PHKB: variants seen among roughly 807,000 people sequenced by gnomAD.
PHKB encodes phosphorylase kinase regulatory subunit beta.
Under a neutral mutation model 152.1 loss-of-function variants are expected in PHKB, and 122 were observed. That is an observed-to-expected ratio of 0.80 (90% CI 0.69 to 0.93). PHKB has a LOEUF of 0.93. PHKB is among the 40% of genes least tolerant of loss of function. The pLI, the probability that PHKB is intolerant of heterozygous loss-of-function variation, is 0.00. For missense variants in PHKB, 1,304 were observed against 1,328.4 expected, an observed-to-expected ratio of 0.98 and a Z score of 0.29; for synonymous variants, 436 against 464.9, an observed-to-expected ratio of 0.94 and a Z score of 0.80.
chr16:47,510,082 A>G (rs1970484346), intron 4 of PHKB, among the ~76,000 whole-genome samples: 1 of 152,158 alleles, frequency 6.6e-6, no homozygotes, highest in African/African-American at 2.4e-5. Context: ...CAAACACCAG[A>G]TGAAGTGGTA....
At chr16:47,666,723 C>T (rs1023316686) in intron 25 of PHKB, among the ~76,000 whole-genome samples, 2 of 152,244 alleles carry the variant, frequency 1.3e-5, no homozygotes, top group African/African-American at 2.4e-5. Context: ...CCAATGTGCC[C>T]AGCATGGGGC....
At chr16:47,577,816 G>A (rs898829368) in intron 7 of PHKB, among the ~76,000 whole-genome samples, 1 of 152,038 alleles carries the variant, frequency 6.6e-6, no homozygotes, top group African/African-American at 2.4e-5. Flanking sequence ...GTTACGATGT[G>A]TCTTAGCATG....
At chr16:47,695,675 G>T (rs1174149292) in intron 28 of PHKB, among the ~76,000 whole-genome samples, 4 of 152,162 alleles carry the variant, frequency 2.6e-5, no homozygotes, top group Non-Finnish European at 5.9e-5. Context: ...TAATGATCTA[G>T]TCACCCCATC....
chr16:47,612,068 C>T (rs957018613), intron 14 of PHKB, among the ~76,000 whole-genome samples: 4 of 152,150 alleles, frequency 2.6e-5, no homozygotes, highest in Non-Finnish European at 5.9e-5. Flanking sequence ...CAGAATGTGT[C>T]GTGTCAACAA....
chr16:47,619,573 T>C (rs1252882184), intron 14 of PHKB: 1 of 152,194 alleles, frequency 6.6e-6, no homozygotes, highest in Non-Finnish European at 1.5e-5. Context: ...GGAAAACGCT[T>C]TCAGGAGGTG....
At chr16:47,574,944 C>T (rs973817658) in intron 7 of PHKB, among the ~76,000 whole-genome samples, 4 of 152,220 alleles carry the variant, frequency 2.6e-5, no homozygotes, top group African/African-American at 9.6e-5. Context: ...TATTTTACCA[C>T]ATAGAACTTC....
chr16:47,476,341 T>C (rs1969868060), intron 1 of PHKB, among the ~76,000 whole-genome samples: 1 of 152,160 alleles, frequency 6.6e-6, no homozygotes, highest in South Asian at 2.1e-4. Context: ...TATAAATTTC[T>C]TTCTGTGCCC....
chr16:47,680,962 A>G (rs1361467709), intron 26 of PHKB, among the ~76,000 whole-genome samples: 1 of 152,070 alleles, frequency 6.6e-6, no homozygotes, highest in Non-Finnish European at 1.5e-5. Context: ...AGATTCTGGT[A>G]TGTTGTGTCT....
At chr16:47,470,051 C>G (rs2151627579) in intron 1 of PHKB, among the ~76,000 whole-genome samples, 1 of 152,270 alleles carries the variant, frequency 6.6e-6, no homozygotes, top group Non-Finnish European at 1.5e-5. Flanking sequence ...ACATTTAAAT[C>G]TCACAGAAAT....
chr16:47,641,679 A>G lies in PHKB; in HGVS notation c.1595A>G (p.Gln532Arg). 1.9e-6 allele frequency: 3 copies of G among 1,579,862 alleles called. No individual in the cohort carries two copies. Among genetic ancestry groups the G allele is most frequent in the Non-Finnish European group, 2.6e-6 (3 of 1,148,778 alleles). The change falls in exon 16 of 31, where the codon CAG (glutamine) becomes CGG (arginine). Residue 532 changes from glutamine to arginine, a missense_variant. Physicochemically the swap from Gln to Arg is conservative, Grantham distance 43 (BLOSUM62 1). Coordinates refer to ENST00000323584, the MANE Select transcript of PHKB (RefSeq NM_000293.3). ...GAACCCATTCAGATATGGCCTCAGC[A>G]GGAGCTTGTGAAAGTAAGTGATTCT... is the stretch of plus-strand genomic sequence containing the variant. Reference protein sequence around the residue: ...QVEPIQIWPQQELVKAYLQLG... With the variant: ...QVEPIQIWPQRELVKAYLQLG...
chr16:47,505,825 G>C (rs972994864), intron 4 of PHKB, among the ~76,000 whole-genome samples: 1 of 152,010 alleles, frequency 6.6e-6, no homozygotes, highest in African/African-American at 2.4e-5. Flanking sequence ...TTGAGGCCAG[G>C]AGTTCGAGAG....
In PHKB at chr16:47,521,502, A is replaced by G. The variant is rs574281372; in HGVS notation, c.594+5901A>G. On this transcript the variant is annotated intron_variant, in intron 6 of 30. Transcript: ENST00000323584. The stretch of plus-strand genomic sequence containing the variant: ...AACCCTGTCTCTACTGAAAAATACA[A>G]AAATTAGCTTGGCTTGGTGGCGTAC... Among the ~76,000 whole-genome samples the G allele has an allele frequency of 3.9e-4, 59 of 152,254 alleles. 1 individual carries two copies. The highest frequency in any genetic ancestry group is 1.2e-3 in the African/African-American group (49 of 41,542).
intron 14 of PHKB, among the ~76,000 whole-genome samples, chr16:47,624,511 C>T (rs1396473093): frequency 6.6e-6 from 1 of 152,130 alleles, no homozygotes; most frequent in Non-Finnish European, 1.5e-5. Flanking sequence ...ATGCCAAGAT[C>T]ATTGCTTCTA....
At chr16:47,663,892 G>C in intron 24 of PHKB, 158 bp downstream of exon 24, 1 of 661,456 alleles carries the variant, frequency 1.5e-6, no homozygotes, top group Non-Finnish European at 2.7e-6. Flanking sequence ...TATGTAGCAT[G>C]TCTGTCCCCC....
At chr16:47,671,407 ATGT>A (rs1365035957) in intron 26 of PHKB, among the ~76,000 whole-genome samples, 7 of 152,096 alleles carry the variant, frequency 4.6e-5, no homozygotes, top group Non-Finnish European at 8.8e-5. Context: ...TATATACATA[ATGT>A]TGTCTTTTAA....
At chr16:47,556,437 T>C (rs558577451) in intron 7 of PHKB, among the ~76,000 whole-genome samples, 2 of 152,322 alleles carry the variant, frequency 1.3e-5, no homozygotes, top group African/African-American at 4.8e-5. Flanking sequence ...TTTTGAGATA[T>C]GTCTCATCAA....
chr16:47,649,488 G>A (rs1443472816), intron 18 of PHKB, among the ~76,000 whole-genome samples: 1 of 152,066 alleles, frequency 6.6e-6, no homozygotes, highest in African/African-American at 2.4e-5. Context: ...TGAAAAATAT[G>A]TTCATATGAC....
intron 7 of PHKB, among the ~76,000 whole-genome samples, chr16:47,556,983 G>A (rs554511344): frequency 2.0e-5 from 3 of 152,198 alleles, no homozygotes; most frequent in South Asian, 2.1e-4. Flanking sequence ...CAACTTCTTC[G>A]TGGTTTAGTC....
In PHKB at chr16:47,515,573, G is replaced by T; in HGVS notation, c.566G>T (p.Gly189Val). Reference sequence around the variant, plus strand: ...TACCTTGTGGAAATGATTTCCTCAGGACTCCAGATTATCTACAACACTGAT... The same window carrying T: ...TACCTTGTGGAAATGATTTCCTCAGTACTCCAGATTATCTACAACACTGAT... ...LLYLVEMISS[G>V]LQIIYNTDEV... Residue 189 changes from glycine (G) to valine (V), a missense_variant, in exon 6 of 31, where the codon GGA becomes GTA. Coordinates refer to ENST00000323584, the MANE Select transcript of PHKB (RefSeq NM_000293.3). 4 of 1,479,114 alleles carry T rather than the reference G, an allele frequency of 2.7e-6. No individual in the cohort carries two copies. The highest frequency in any genetic ancestry group is 3.8e-6 in the Non-Finnish European group (4 of 1,057,508). The allele number at this position is 1,479,114 out of a possible 1,614,324, so 91.6% of individuals were successfully genotyped here.
Sources: gnomAD v4.1 joint callset for allele counts (sites outside exome capture counted in the v4.1 genomes callset) on GRCh38, gnomAD v4.1.1 for gene constraint, MANE v1.5 for transcripts, NCBI Gene and HGNC (gene_info 2026-07-23, HGNC 2026-07-21) for gene names.